TMEM204: variants seen among roughly 807,000 people sequenced by gnomAD.
The protein encoded by TMEM204 is transmembrane protein 204.
In TMEM204, 15 loss-of-function variants were observed where a neutral mutation model predicts 19.4. The ratio of observed to expected loss-of-function variants is 0.77; its 90% CI spans 0.52 to 1.19. The LOEUF is 1.19. Ranked by LOEUF, TMEM204 falls within the 50% of genes most tolerant of loss-of-function variation. The pLI, the probability that TMEM204 is intolerant of heterozygous loss-of-function variation, is 0.00. For missense variants in TMEM204, 287 were observed against 321.2 expected (o/e 0.89, Z 0.81); for synonymous variants, 161 against 146.0 (o/e 1.10, Z -0.74).
At chr16:1,535,753 C>A (rs959405245) in intron 1 of TMEM204, among the ~76,000 whole-genome samples, 2 of 152,238 alleles carry the variant, frequency 1.3e-5, no homozygotes, top group South Asian at 2.1e-4. Flanking sequence ...ACTCAAAGGC[C>A]CTCGGCTGCA....
At chr16:1,550,716 C>T (rs920094019) in intron 2 of TMEM204, among the ~76,000 whole-genome samples, 2 of 152,236 alleles carry the variant, frequency 1.3e-5, no homozygotes, top group African/African-American at 2.4e-5. Flanking sequence ...GCCTTCCCTG[C>T]AAGCTTGACC....
intron 2 of TMEM204, among the ~76,000 whole-genome samples, chr16:1,550,141 T>C (rs35225748): frequency 0.013 from 2,003 of 152,244 alleles, 49 homozygotes; most frequent in African/African-American, 0.046. Flanking sequence ...GGTTTCACTA[T>C]GTTGCCCAGG....
Position 1,553,344 on chromosome 16 carries a change from C to T in TMEM204, c.437-1438C>T. 1.0e-6 allele frequency: 1 copy of T among 985,348 alleles called. No individual in the cohort carries two copies. The highest frequency in any genetic ancestry group is 1.2e-6 in the Non-Finnish European group (1 of 829,926). The allele number at this position is 985,348 out of a possible 1,614,324, so 61.0% of individuals were successfully genotyped here. ...TCTCTGTCCCTGTGTCTCTTTTTCT[C>T]CCATCCTCTCTCGATGCTGGGGCCA... On this transcript the variant is annotated intron_variant, in intron 2 of 2. Transcript: ENST00000566264. This position sits in a 1 kb window ranked among gnomAD's most constrained non-coding sequence, Gnocchi z 4.4.
At chr16:1,542,280 C>G (rs1392403741) in intron 2 of TMEM204, among the ~76,000 whole-genome samples, 2 of 152,248 alleles carry the variant, frequency 1.3e-5, no homozygotes, top group African/African-American at 4.8e-5. Context: ...GAAACACACC[C>G]AGGCCAAGGA....
At chr16:1,543,184 G>A (rs773666570) in intron 2 of TMEM204, among the ~76,000 whole-genome samples, 2 of 152,250 alleles carry the variant, frequency 1.3e-5, no homozygotes, top group Non-Finnish European at 2.9e-5. Context: ...GCACGGAGCT[G>A]CCCGCACCCT....
At chr16:1,547,519 C>G (rs1033637914) in intron 2 of TMEM204, among the ~76,000 whole-genome samples, 1 of 151,998 alleles carries the variant, frequency 6.6e-6, no homozygotes, top group African/African-American at 2.4e-5. Context: ...TTACAATAAC[C>G]CGGTTCTTTG....
chr16:1,550,517 T>G (rs1040318571), intron 2 of TMEM204, among the ~76,000 whole-genome samples: 2 of 152,234 alleles, frequency 1.3e-5, no homozygotes, highest in African/African-American at 4.8e-5. Flanking sequence ...TGCTGGCCAG[T>G]GCCAGGCAGG....
At chr16:1,541,133 GC>G in intron 1 of TMEM204, 1 of 985,436 alleles carries the variant, frequency 1.0e-6, no homozygotes, top group Non-Finnish European at 1.2e-6. Flanking sequence ...GCATCCATGT[GC>G]CCTGCCCACC....
intron 2 of TMEM204, among the ~76,000 whole-genome samples, chr16:1,544,432 A>G (rs1177442610): frequency 2.7e-5 from 4 of 150,106 alleles, no homozygotes; most frequent in African/African-American, 4.9e-5. Flanking sequence ...TGATCCGCCC[A>G]CCTTGGCCTC....
upstream of TMEM204, chr16:1,533,087 A>G (rs2141229455): frequency 6.7e-6 from 1 of 150,264 alleles, no homozygotes; most frequent in South Asian, 2.1e-4. This position sits in a 1 kb window ranked among gnomAD's most constrained non-coding sequence, Gnocchi z 4.7. Context: ...AGGTCCTCCA[A>G]GTACAGGTCC....
upstream of TMEM204, among the ~76,000 whole-genome samples, chr16:1,529,444 G>T (rs573712326): frequency 6.1e-4 from 93 of 152,370 alleles, no homozygotes; most frequent in African/African-American, 2.1e-3. Flanking sequence ...TGGACGCTCA[G>T]TCGGCGCTGC....
chr16:1,536,577 G>A (rs569409084), intron 1 of TMEM204, among the ~76,000 whole-genome samples: 5 of 152,336 alleles, frequency 3.3e-5, no homozygotes, highest in Admixed American at 6.5e-5. Context: ...CTCAGCTCAG[G>A]AAAAGGAACA....
intron 2 of TMEM204, among the ~76,000 whole-genome samples, chr16:1,542,856 G>C (rs3784830): frequency 0.15 from 22,368 of 152,310 alleles, 1,836 homozygotes; most frequent in Admixed American, 0.23. Context: ...CAACGCTCTA[G>C]ACCCAGCAAC....
At chr16:1,548,925 G>C (rs1463918926) in intron 2 of TMEM204, among the ~76,000 whole-genome samples, 2 of 152,236 alleles carry the variant, frequency 1.3e-5, no homozygotes, top group Non-Finnish European at 2.9e-5. Flanking sequence ...ACACACGGAA[G>C]GTTCCCTCAT....
Position 1,534,462 on chromosome 16 carries a change from G to A in TMEM204, c.187G>A (p.Ala63Thr). 1 of 1,611,076 alleles carries A rather than the reference G, an allele frequency of 6.2e-7. No individual in the cohort carries two copies. The highest frequency in any genetic ancestry group is 8.5e-7 in the Non-Finnish European group (1 of 1,179,802). Reference protein sequence around the residue: ...DRTRGGPSPGARAGQVDAHDC... With the variant: ...DRTRGGPSPGTRAGQVDAHDC... ...GACCCGGGGAGGGCCGAGCCCTGGG[G>A]CCAGAGCCGGCCAGGTGGACGCACA... Residue 63 changes from alanine to threonine, a missense_variant, in exon 1 of 3, where the codon GCC becomes ACC. Coordinates refer to ENST00000566264, the MANE Select transcript of TMEM204 (RefSeq NM_024600.6).
intron 1 of TMEM204, chr16:1,540,837 A>G: frequency 1.0e-6 from 1 of 985,444 alleles, no homozygotes; most frequent in South Asian, 4.7e-5. Flanking sequence ...AATAGAAAAC[A>G]AGGCATGGCG....
At chr16:1,531,122 C>A (rs1053601928), upstream of TMEM204, 4 of 152,388 alleles carry the variant, frequency 2.6e-5, no homozygotes, top group Admixed American at 6.5e-5. The surrounding 1 kb of genome is among the most constrained non-coding windows in gnomAD (Gnocchi z 4.7). Context: ...GGGACAGCCT[C>A]CACTCCGGTG....
chr16:1,533,448 C>T (rs948736359), upstream of TMEM204: 1 of 152,328 alleles, frequency 6.6e-6, no homozygotes, highest in Non-Finnish European at 1.5e-5. This position sits in a 1 kb window ranked among gnomAD's most constrained non-coding sequence, Gnocchi z 4.7. Context: ...ACAGGCGAGA[C>T]GAGGGATCTG....
chr16:1,550,040 C>T (rs1264103274), intron 2 of TMEM204, among the ~76,000 whole-genome samples: 5 of 152,088 alleles, frequency 3.3e-5, no homozygotes, highest in African/African-American at 7.2e-5. Flanking sequence ...ACTGCAGACT[C>T]GACCTCCTGG....
Sources: allele counts gnomAD v4.1 joint callset (sites outside exome capture counted in the v4.1 genomes callset), GRCh38; gene constraint gnomAD v4.1.1; non-coding constraint Gnocchi (gnomAD v3.1); transcripts MANE v1.5; gene names NCBI Gene and HGNC (gene_info 2026-07-23, HGNC 2026-07-21).